Variants in CCDC171 observed in about 807,000 individuals in gnomAD.
The protein encoded by CCDC171 is coiled-coil domain containing 171, also known as coiled-coil domain-containing protein 171.
CCDC171 carries 177 observed loss-of-function variants against 168.2 expected under a neutral mutation model. The ratio of observed to expected loss-of-function variants is 1.05; its 90% CI spans 0.93 to 1.19. The LOEUF (loss-of-function observed/expected upper bound fraction) is 1.19, where lower values mean the gene tolerates loss of function less well. Ranked by LOEUF, CCDC171 falls within the 50% of genes most tolerant of loss-of-function variation. The pLI, the probability that CCDC171 is intolerant of heterozygous loss-of-function variation, is 0.00. For missense variants in CCDC171, 1,991 were observed against 1,539.0 expected (o/e 1.29, Z -4.91); for synonymous variants, 687 against 540.8 (o/e 1.27, Z -3.75).
intron 18 of CCDC171, among the ~76,000 whole-genome samples, chr9:15,748,483 A>T (rs1341831404): frequency 6.6e-6 from 1 of 152,210 alleles, no homozygotes; most frequent in Non-Finnish European, 1.5e-5. Context: ...CACCACAAAG[A>T]TATTCCTCGA....
chr9:15,561,808 C>T (rs1421221708), intron 1 of CCDC171, among the ~76,000 whole-genome samples: 7 of 151,376 alleles, frequency 4.6e-5, no homozygotes, highest in Admixed American at 3.3e-4. Context: ...CTGATATCAG[C>T]GAGGAAGATG....
chr9:16,041,911 T>A (rs1833578690), upstream of CCDC171, among the ~76,000 whole-genome samples: 1 of 152,122 alleles, frequency 6.6e-6, no homozygotes, highest in Admixed American at 6.5e-5. Context: ...CTGAGCAAGT[T>A]TAGATGAAAA....
At chr9:15,822,109 CT>C (rs1183252972) in intron 21 of CCDC171, among the ~76,000 whole-genome samples, 4 of 152,122 alleles carry the variant, frequency 2.6e-5, no homozygotes, top group Non-Finnish European at 4.4e-5. Flanking sequence ...ATAAATGGTG[CT>C]GGGAAAACTG....
At chr9:15,866,775 A>G (rs964320761) in intron 23 of CCDC171, among the ~76,000 whole-genome samples, 1 of 152,042 alleles carries the variant, frequency 6.6e-6, no homozygotes, top group Non-Finnish European at 1.5e-5. Flanking sequence ...ATGCATTTCA[A>G]GAGATTAATT....
At chr9:15,900,490 C>G (rs1408065778) in intron 24 of CCDC171, among the ~76,000 whole-genome samples, 1 of 147,136 alleles carries the variant, frequency 6.8e-6, no homozygotes, top group African/African-American at 2.5e-5. Flanking sequence ...CAGATGATAC[C>G]TTGATTTCAG....
At chr9:15,717,145 C>T (rs780231256) in intron 11 of CCDC171, among the ~76,000 whole-genome samples, 4 of 152,118 alleles carry the variant, frequency 2.6e-5, no homozygotes, top group Admixed American at 6.5e-5. Flanking sequence ...GCCCCAGCAG[C>T]GGCTATGTGG....
chr9:16,069,163 A>C, the CCDC171 span, among the ~76,000 whole-genome samples: 1 of 152,212 alleles, frequency 6.6e-6, no homozygotes, highest in Non-Finnish European at 1.5e-5. Context: ...TACATGACGT[A>C]AGGAGTAAGG....
rs112701109 is a variant in CCDC171 at position 15,836,609 on chromosome 9, C to T, written c.3268-10093C>T. Among the ~76,000 whole-genome samples the T allele has an allele frequency of 1.4e-4, 21 of 152,296 alleles. 1 individual carries two copies. The highest frequency in any genetic ancestry group is 5.1e-4 in the African/African-American group (21 of 41,558). ...CTCGTGATCCGCCTGCCTCGGCCTC[C>T]CAAAGTCCTGGGATTACAGGCGTGA... On this transcript the variant is annotated intron_variant, in intron 21 of 25. Coordinates refer to ENST00000380701, the MANE Select transcript of CCDC171 (RefSeq NM_173550.4).
intron 18 of CCDC171, among the ~76,000 whole-genome samples, chr9:15,775,588 G>A (rs1426153158): frequency 6.6e-6 from 1 of 152,134 alleles, no homozygotes; most frequent in Admixed American, 6.5e-5. Context: ...AAAGTGCTGG[G>A]ATTACAGGAG....
chr9:15,867,704 T>C (rs2061849768), intron 23 of CCDC171, among the ~76,000 whole-genome samples: 1 of 140,668 alleles, frequency 7.1e-6, no homozygotes, highest in African/African-American at 2.6e-5. Flanking sequence ...CAGAATATCA[T>C]GTACATGTGC....
chr9:15,894,111 G>A (rs965712702), intron 24 of CCDC171, among the ~76,000 whole-genome samples: 1 of 152,122 alleles, frequency 6.6e-6, no homozygotes. Flanking sequence ...ACAGAACGAG[G>A]TCGTGTTCTT....
intron 10 of CCDC171, among the ~76,000 whole-genome samples, chr9:15,679,944 T>G (rs2049927448): frequency 6.6e-6 from 1 of 152,164 alleles, no homozygotes; most frequent in Non-Finnish European, 1.5e-5. Context: ...ATTAACAGAT[T>G]TCTTTACATC....
intron 18 of CCDC171, among the ~76,000 whole-genome samples, chr9:15,763,441 G>C (rs2056557863): frequency 6.6e-6 from 1 of 152,132 alleles, no homozygotes; most frequent in African/African-American, 2.4e-5. Flanking sequence ...TCATATGGTT[G>C]GTGTTTCAGG....
intron 24 of CCDC171, among the ~76,000 whole-genome samples, chr9:15,897,194 A>G (rs1441886297): frequency 6.6e-6 from 1 of 152,054 alleles, no homozygotes; most frequent in Non-Finnish European, 1.5e-5. Context: ...ACTGATGCTA[A>G]CAGGTCCTTT....
intron 23 of CCDC171, among the ~76,000 whole-genome samples, chr9:15,863,642 T>C (rs2131023628): frequency 6.6e-6 from 1 of 152,226 alleles, no homozygotes; most frequent in Admixed American, 6.5e-5. Flanking sequence ...TAGTTCCTTG[T>C]ACATGGTTTT....
intron 18 of CCDC171, among the ~76,000 whole-genome samples, chr9:15,753,406 C>T (rs1480714823): frequency 1.3e-5 from 2 of 151,990 alleles, no homozygotes; most frequent in Non-Finnish European, 2.9e-5. Context: ...CAGACCTGGC[C>T]TATAGATAGT....
intron 21 of CCDC171, among the ~76,000 whole-genome samples, chr9:15,812,791 G>T (rs2059411395): frequency 6.6e-6 from 1 of 152,138 alleles, no homozygotes; most frequent in African/African-American, 2.4e-5. Context: ...GCTACTTGTT[G>T]CCCACTCTTC....
intron 9 of CCDC171, among the ~76,000 whole-genome samples, chr9:15,667,496 A>T (rs2048816755): frequency 6.6e-6 from 1 of 152,112 alleles, no homozygotes; most frequent in African/African-American, 2.4e-5. Context: ...AAATAAAAAA[A>T]TTAGCCAGGT....
chr9:15,892,864 A>G (rs78460375), intron 24 of CCDC171, among the ~76,000 whole-genome samples: 4,258 of 152,212 alleles, frequency 0.028, 233 homozygotes, highest in African/African-American at 0.098. Context: ...TACTGTCCCA[A>G]ATAATTTATA....
Sources: allele counts gnomAD v4.1 joint callset (sites outside exome capture counted in the v4.1 genomes callset), GRCh38; gene constraint gnomAD v4.1.1; transcripts MANE v1.5; gene names NCBI Gene and HGNC (gene_info 2026-07-23, HGNC 2026-07-21).